EPB41L5: variants seen among roughly 807,000 people sequenced by gnomAD.
The protein encoded by EPB41L5 is band 4.1-like protein 5.
A neutral mutation model predicts 106.6 loss-of-function variants in EPB41L5; 55 were observed. The observed-to-expected ratio is 0.52, with a 90% CI of 0.42 to 0.65. EPB41L5 has a LOEUF of 0.65. Among genes scored for constraint, EPB41L5 ranks in the 30% least tolerant of loss-of-function variants. EPB41L5 has a pLI of 0.00. For missense variants in EPB41L5, 871 were observed against 882.1 expected (o/e 0.99, Z 0.16); for synonymous variants, 297 against 306.7 (o/e 0.97, Z 0.33).
rs117639759 is a variant in EPB41L5, at chr2:120,027,122, G to A, written c.180+7858G>A. ...CCTGCTGGTAGGAATGTAAAATGGC[G>A]CAGCTGCTTTGGATAATAGTGGGGC... On this transcript the variant is annotated intron_variant, in intron 2 of 24. Transcript: ENST00000263713. 3.5e-4 allele frequency among the ~76,000 whole-genome samples: 54 copies of A among 152,312 alleles called. No homozygotes were observed. The East Asian group carries it at 6.0e-3, about 17-fold the overall frequency.
intron 2 of EPB41L5, among the ~76,000 whole-genome samples, chr2:120,030,097 C>G (rs1678601809): frequency 6.6e-6 from 1 of 152,210 alleles, no homozygotes; most frequent in Admixed American, 6.5e-5. Context: ...TTTAAGCTGT[C>G]CTTGTTCATT....
At chr2:120,149,969 A>G (rs1686595498) in intron 20 of EPB41L5, among the ~76,000 whole-genome samples, 2 of 146,182 alleles carry the variant, frequency 1.4e-5, no homozygotes, top group Admixed American at 7.1e-5. Flanking sequence ...AGCACAACTC[A>G]TTGCAGCCTC....
intron 20 of EPB41L5, among the ~76,000 whole-genome samples, chr2:120,152,334 C>G (rs529229382): frequency 6.6e-6 from 1 of 152,322 alleles, no homozygotes; most frequent in Non-Finnish European, 1.5e-5. Flanking sequence ...TGTTGAACCA[C>G]TCTTGTGAAC....
chr2:120,127,458 T>C (rs1431946612), intron 16 of EPB41L5, among the ~76,000 whole-genome samples: 2 of 152,220 alleles, frequency 1.3e-5, no homozygotes, highest in African/African-American at 4.8e-5. Context: ...CCATATACTT[T>C]AAATCATCTG....
chr2:120,048,450 G>T (rs1033194122), intron 3 of EPB41L5, among the ~76,000 whole-genome samples: 2 of 152,128 alleles, frequency 1.3e-5, no homozygotes, highest in African/African-American at 4.8e-5. Flanking sequence ...TTTGCGTAGA[G>T]GTGTTTATAG....
At chr2:120,166,101 T>A (rs1687395329) in intron 22 of EPB41L5, among the ~76,000 whole-genome samples, 1 of 151,856 alleles carries the variant, frequency 6.6e-6, no homozygotes, top group African/African-American at 2.4e-5. Flanking sequence ...AATGTTTGCA[T>A]AGATCATTAA....
At chr2:120,077,404 T>C in intron 9 of EPB41L5, 88 bp downstream of exon 9, 1 of 1,117,820 alleles carries the variant, frequency 8.9e-7, no homozygotes, top group South Asian at 1.5e-5. Flanking sequence ...AGGGAGGGCA[T>C]GGAGTTTGCA....
intron 1 of EPB41L5, among the ~76,000 whole-genome samples, chr2:120,015,921 A>C (rs1484685616): frequency 2.6e-5 from 4 of 152,104 alleles, no homozygotes; most frequent in African/African-American, 7.2e-5. Flanking sequence ...AAAAAAAAAA[A>C]AAAAACATAA....
Position 120,060,114 on chromosome 2 carries a change from A to G in EPB41L5, c.286-13064A>G, listed in dbSNP as rs557789452. Among the ~76,000 whole-genome samples the G allele has an allele frequency of 7.9e-4, 120 of 152,290 alleles. 1 individual carries two copies. The highest frequency in any genetic ancestry group is 2.6e-3 in the African/African-American group (106 of 41,564). On this transcript the variant is annotated intron_variant, in intron 3 of 24. Transcript: ENST00000263713. ...AAAGTACAACATGGTGACAACTCCA[A>G]ATTTTGGTGAGAATGTGCAGAAATG...
intron 12 of EPB41L5, among the ~76,000 whole-genome samples, chr2:120,090,957 A>G (rs1683367384): frequency 6.6e-6 from 1 of 152,200 alleles, no homozygotes; most frequent in Non-Finnish European, 1.5e-5. Flanking sequence ...GTTTTGGTTT[A>G]CTGCAGAGTG....
intron 3 of EPB41L5, among the ~76,000 whole-genome samples, chr2:120,053,091 A>G (rs1442443694): frequency 5.3e-5 from 8 of 151,922 alleles, no homozygotes; most frequent in Admixed American, 5.2e-4. Context: ...TTTTATTTTT[A>G]TTTTTTGCTG....
chr2:120,123,334 C>T (rs1020584656), intron 16 of EPB41L5, among the ~76,000 whole-genome samples: 3 of 152,092 alleles, frequency 2.0e-5, no homozygotes, highest in African/African-American at 7.2e-5. Flanking sequence ...ACCCTGGTGC[C>T]TGTTTTCACT....
intron 24 of EPB41L5, among the ~76,000 whole-genome samples, chr2:120,173,175 TGA>T (rs1486788277): frequency 3.2e-4 from 48 of 152,332 alleles, no homozygotes; most frequent in Admixed American, 5.9e-4. Context: ...CTGATAGTTG[TGA>T]AAATATTTAC....
At chr2:120,030,117 A>G (rs998717405) in intron 2 of EPB41L5, among the ~76,000 whole-genome samples, 3 of 152,242 alleles carry the variant, frequency 2.0e-5, no homozygotes, top group African/African-American at 4.8e-5. Context: ...TCCTGGGCGT[A>G]GGCCTAACTA....
chr2:120,065,662 G>A (rs1176031744), intron 3 of EPB41L5, among the ~76,000 whole-genome samples: 2 of 151,618 alleles, frequency 1.3e-5, no homozygotes, highest in Non-Finnish European at 2.9e-5. Context: ...GATTACAGGC[G>A]CCTGCCACCA....
chr2:120,131,859 A>C (rs1685709272), intron 18 of EPB41L5, 144 bp downstream of exon 18: 1 of 621,584 alleles, frequency 1.6e-6, no homozygotes, highest in Non-Finnish European at 2.8e-6. Context: ...TCTCATTTTA[A>C]AGGGTGAAAT....
At chr2:120,075,572 A>C in intron 6 of EPB41L5, 52 bp downstream of exon 6, 2 of 1,445,830 alleles carry the variant, frequency 1.4e-6, no homozygotes, top group Non-Finnish European at 1.9e-6. Flanking sequence ...GTGGTTGAAA[A>C]ATTATTTTGA....
At chr2:120,130,898 G>A (rs977739944) in intron 17 of EPB41L5, among the ~76,000 whole-genome samples, 1 of 152,002 alleles carries the variant, frequency 6.6e-6, no homozygotes, top group African/African-American at 2.4e-5. Flanking sequence ...GAAATTATTA[G>A]GCATTCAACC....
intron 19 of EPB41L5, among the ~76,000 whole-genome samples, chr2:120,145,020 A>C (rs1470897530): frequency 2.0e-5 from 3 of 152,236 alleles, no homozygotes; most frequent in Non-Finnish European, 4.4e-5. Flanking sequence ...TTTATGAACA[A>C]AATCTACAAC....
Sources: gnomAD v4.1 joint callset for allele counts (sites outside exome capture counted in the v4.1 genomes callset) on GRCh38, gnomAD v4.1.1 for gene constraint, MANE v1.5 for transcripts, NCBI Gene and HGNC (gene_info 2026-07-23, HGNC 2026-07-21) for gene names.